GSAP: variants seen among roughly 807,000 people sequenced by gnomAD.
GSAP encodes the protein gamma-secretase-activating protein.
Under a neutral mutation model 131.7 loss-of-function variants are expected in GSAP, and 118 were observed. That is an observed-to-expected ratio of 0.90 (90% CI 0.77 to 1.04). The LOEUF (loss-of-function observed/expected upper bound fraction) is 1.04. Ranked by LOEUF, GSAP falls within the 50% of genes least tolerant of loss-of-function variation. The pLI is 0.00. For missense variants in GSAP, 1,019 were observed against 1,013.2 expected (o/e 1.01, Z -0.08); for synonymous variants, 381 against 363.4 (o/e 1.05, Z -0.55).
chr7:77,345,911 A>AAT (rs1282450743), intron 19 of GSAP, among the ~76,000 whole-genome samples: 2 of 152,164 alleles, frequency 1.3e-5, no homozygotes, highest in Non-Finnish European at 1.5e-5. Context: ...TTTATCACAA[A>AAT]ATAAGAATCA....
intron 18 of GSAP, among the ~76,000 whole-genome samples, chr7:77,349,768 C>A (rs1792503788): frequency 6.6e-6 from 1 of 152,158 alleles, no homozygotes; most frequent in Non-Finnish European, 1.5e-5. Flanking sequence ...GTTTCATTAT[C>A]AATACTCCTT....
chr7:77,329,300 CT>C, intron 21 of GSAP, 32 bp downstream of exon 21: 1 of 1,249,742 alleles, frequency 8.0e-7, no homozygotes, highest in Non-Finnish European at 1.1e-6. Flanking sequence ...TGTCAACCAT[CT>C]TACAGATATG....
intron 26 of GSAP, among the ~76,000 whole-genome samples, 168 bp downstream of exon 26, chr7:77,320,557 C>G (rs1787495391): frequency 2.6e-5 from 4 of 152,140 alleles, no homozygotes; most frequent in Non-Finnish European, 5.9e-5. Context: ...GTCAGAGGAG[C>G]TCTGGTCAGC....
chr7:77,325,454 A>G (rs1788199242), intron 23 of GSAP, among the ~76,000 whole-genome samples: 2 of 152,194 alleles, frequency 1.3e-5, no homozygotes, highest in Admixed American at 1.3e-4. Context: ...AAGGTTTTGG[A>G]TTTATTTACA....
chr7:77,394,695 C>T (rs937969267), intron 5 of GSAP, among the ~76,000 whole-genome samples: 3 of 152,194 alleles, frequency 2.0e-5, no homozygotes, highest in South Asian at 4.1e-4. Context: ...GCTTGGAGTA[C>T]ACCTCACAAT....
intron 19 of GSAP, among the ~76,000 whole-genome samples, chr7:77,336,352 G>A (rs1177072211): frequency 1.3e-5 from 2 of 152,140 alleles, no homozygotes; most frequent in Non-Finnish European, 2.9e-5. Flanking sequence ...TGTAGTAGGT[G>A]GTAGAAGAGG....
At chr7:77,400,163 T>C (rs1801083451) in intron 3 of GSAP, among the ~76,000 whole-genome samples, 1 of 152,152 alleles carries the variant, frequency 6.6e-6, no homozygotes. Flanking sequence ...CAAGGCAGCC[T>C]TCCCCCTTCT....
chr7:77,406,274 C>T (rs1460867141), intron 1 of GSAP, among the ~76,000 whole-genome samples, 169 bp from the exon 2 acceptor site: 1 of 152,062 alleles, frequency 6.6e-6, no homozygotes, highest in African/African-American at 2.4e-5. Flanking sequence ...ACAGTAGTAA[C>T]CTTTAAGGAA....
chr7:77,388,014 A>G lies in GSAP; in HGVS notation c.368-566T>C, dbSNP rs181785605. Among the ~76,000 whole-genome samples the G allele has an allele frequency of 4.1e-4, 62 of 152,382 alleles. 1 individual carries two copies. The East Asian group carries it at 0.012, about 29-fold the overall frequency. ...AATTCTATGATTTGCAAAAGCAGAC[A>G]TGTCTGAACTTTCTGAAAATATAAA... On this transcript the variant is annotated intron_variant, in intron 5 of 30. Transcript: ENST00000257626.
At chr7:77,346,438 A>T in intron 19 of GSAP, among the ~76,000 whole-genome samples, 1 of 150,238 alleles carries the variant, frequency 6.7e-6, no homozygotes, top group African/African-American at 2.5e-5. Flanking sequence ...GGTGGCTCAT[A>T]CCTGTAATAC....
intron 19 of GSAP, among the ~76,000 whole-genome samples, chr7:77,343,304 C>T (rs964599860): frequency 1.1e-4 from 16 of 152,182 alleles, no homozygotes; most frequent in Non-Finnish European, 1.9e-4. Flanking sequence ...CTTTCTGCCC[C>T]CCTCCACTAC....
At chr7:77,343,217 C>A (rs893129360) in intron 19 of GSAP, among the ~76,000 whole-genome samples, 1 of 152,216 alleles carries the variant, frequency 6.6e-6, no homozygotes, top group Non-Finnish European at 1.5e-5. Context: ...CTCAAAATCA[C>A]AAACTATGCT....
intron 7 of GSAP, among the ~76,000 whole-genome samples, chr7:77,381,956 C>G (rs1277096038): frequency 6.6e-6 from 1 of 150,572 alleles, no homozygotes; most frequent in Non-Finnish European, 1.5e-5. Flanking sequence ...CTGAACAAAG[C>G]CTTACCCCTC....
At chr7:77,372,913 A>C (rs1796350965) in intron 12 of GSAP, among the ~76,000 whole-genome samples, 1 of 152,140 alleles carries the variant, frequency 6.6e-6, no homozygotes, top group South Asian at 2.1e-4. Flanking sequence ...TCAAGTCTCT[A>C]CTGAAATACC....
chr7:77,352,016 G>C (rs1051912999), intron 18 of GSAP, among the ~76,000 whole-genome samples: 2 of 152,140 alleles, frequency 1.3e-5, no homozygotes, highest in African/African-American at 4.8e-5. Flanking sequence ...TAAATTCTAA[G>C]GTGGGGCATA....
At chr7:77,314,270 A>T in intron 27 of GSAP, 100 bp downstream of exon 27, 1 of 1,256,072 alleles carries the variant, frequency 8.0e-7, no homozygotes, top group South Asian at 1.3e-5. Flanking sequence ...TTCTGAGTGC[A>T]GCCAGGCTCT....
intron 6 of GSAP, among the ~76,000 whole-genome samples, chr7:77,385,549 G>T (rs1798441197): frequency 6.6e-6 from 1 of 152,138 alleles, no homozygotes; most frequent in African/African-American, 2.4e-5. Context: ...AGATGCTAAG[G>T]AAGCCAAAGA....
At chr7:77,397,172 T>C in intron 4 of GSAP, 137 bp from the exon 5 acceptor site, 1 of 693,784 alleles carries the variant, frequency 1.4e-6, no homozygotes, top group Non-Finnish European at 2.5e-6. Flanking sequence ...CAAAGCATTC[T>C]TTTTTGTAGG....
intron 5 of GSAP, among the ~76,000 whole-genome samples, chr7:77,388,446 C>A (rs1798907289): frequency 6.6e-6 from 1 of 152,216 alleles, no homozygotes; most frequent in Non-Finnish European, 1.5e-5. Context: ...CTTACTTCTT[C>A]AGTGTCACAT....
Sources: gnomAD v4.1 joint callset for allele counts (sites outside exome capture counted in the v4.1 genomes callset) on GRCh38, gnomAD v4.1.1 for gene constraint, MANE v1.5 for transcripts, NCBI Gene and HGNC (gene_info 2026-07-23, HGNC 2026-07-21) for gene names.